A2ML1: variants seen among roughly 807,000 people sequenced by gnomAD.
A2ML1 encodes the protein alpha-2-macroglobulin-like protein 1.
Under a neutral mutation model 181.9 loss-of-function variants are expected in A2ML1, and 161 were observed. The observed-to-expected ratio is 0.89, with a 90% CI of 0.78 to 1.01. A2ML1 has a LOEUF of 1.01. A2ML1 is among the 50% of genes least tolerant of loss of function. The pLI is 0.00. For synonymous variants in A2ML1, 663 were observed against 666.8 expected (o/e 0.99, Z 0.09); for missense variants, 1,670 against 1,768.1 (o/e 0.94, Z 1.00).
At chr12:8,884,266 C>CT (rs1159683961) in intron 7 of A2ML1, among the ~76,000 whole-genome samples, 3 of 120,178 alleles carry the variant, frequency 2.5e-5, no homozygotes, top group African/African-American at 6.0e-5. Flanking sequence ...AACTATTTTC[C>CT]TTTTTTTTAA....
intron 16 of A2ML1, among the ~76,000 whole-genome samples, chr12:8,849,425 T>A (rs1943812517): frequency 6.6e-6 from 1 of 152,206 alleles, no homozygotes; most frequent in South Asian, 2.1e-4. Context: ...ACATAGCGAA[T>A]AATATTTGGC....
intron 4 of A2ML1, among the ~76,000 whole-genome samples, chr12:8,831,809 G>A (rs907682017): frequency 3.9e-5 from 6 of 152,016 alleles, no homozygotes; most frequent in African/African-American, 1.5e-4. Flanking sequence ...GAGTGCAATG[G>A]CGCGATCTCG....
intron 7 of A2ML1, among the ~76,000 whole-genome samples, chr12:8,885,118 G>T (rs753294756): frequency 4.3e-4 from 65 of 152,298 alleles, no homozygotes; most frequent in Admixed American, 1.8e-3. Context: ...CTTGCAAAAA[G>T]TTCAGAATAA....
chr12:8,879,634 A>G (rs1275234381), downstream of A2ML1, among the ~76,000 whole-genome samples: 1 of 152,214 alleles, frequency 6.6e-6, no homozygotes, highest in Non-Finnish European at 1.5e-5. Context: ...TCAAGACTTA[A>G]GAGGTTATGC....
Position 8,874,421 on chromosome 12 carries a change from A to C in A2ML1, c.4222-4A>C, listed in dbSNP as rs1196350668. On this transcript the variant is annotated splice_region_variant and splice_polypyrimidine_tract_variant and intron_variant, in intron 33 of 35. Coordinates refer to ENST00000299698, the MANE Select transcript of A2ML1 (RefSeq NM_144670.6). ...AGGTACTGTTTCATCTGTCTTCCCC[A>C]CAGCTCATTAAGAACACTCAGACTT... 6.2e-7 allele frequency: 1 copy of C among 1,611,482 alleles called. No individual in the cohort carries two copies. The highest frequency in any genetic ancestry group is 8.5e-7 in the Non-Finnish European group (1 of 1,177,722).
chr12:8,845,401 T>C lies in A2ML1; in HGVS notation c.1477-41T>C, dbSNP rs762479095. On this transcript the variant is annotated intron_variant, in intron 12 of 35. Transcript: ENST00000299698. Reference sequence around the variant, plus strand: ...GGAAGTTGGTCCAAGGTGAAATTACTGTAACTTCTGTGCAGTTGATTCTTT... The same window carrying C: ...GGAAGTTGGTCCAAGGTGAAATTACCGTAACTTCTGTGCAGTTGATTCTTT... 20 of 1,605,250 alleles carry C rather than the reference T, an allele frequency of 1.2e-5. No homozygotes were observed. The Middle Eastern group carries it at 1.2e-3, about 93-fold the overall frequency.
rs762232957 is a variant in A2ML1 at position 8,857,567 on chromosome 12, G to A, written c.3086G>A (p.Arg1029Gln). The change falls in exon 25 of 36, where the codon CGA becomes CAA. Residue 1029 changes from arginine (R) to glutamine (Q), a missense_variant. By Grantham distance (43) the Arg-to-Gln change is conservative (BLOSUM62 1). Transcript: ENST00000299698. ...SNGSYSAFGE[R>Q]DGNGNTWLTA... ...GGCTCATACAGTGCCTTTGGGGAGC[G>A]AGATGGAAATGGAAACACATGGTAA... 22 of 1,611,702 alleles carry A rather than the reference G, an allele frequency of 1.4e-5. No homozygotes were observed. The highest frequency in any genetic ancestry group is 5.5e-5 in the South Asian group (5 of 90,508).
At position 8,854,137 on chromosome 12, in the gene A2ML1, A is replaced by G; in HGVS notation, c.2600A>G (p.Asn867Ser). The G allele has an allele frequency of 1.3e-6, 2 of 1,593,872 alleles. No individual in the cohort carries two copies. The highest frequency in any genetic ancestry group is 1.3e-5 in the African/African-American group (1 of 74,546). The change falls in exon 21 of 36, where the codon AAC becomes AGC. Residue 867 changes from asparagine (N) to serine (S), a missense_variant. Transcript: ENST00000299698. Reference sequence around the variant, plus strand: ...TTCTTCTTTCTCTCAGGTCACATTAACTTTACTATTAGTACAAAGATTCTG... The same window carrying G: ...TTCTTCTTTCTCTCAGGTCACATTAGCTTTACTATTAGTACAAAGATTCTG... ...NITAVKLGHI[N>S]FTISTKILDS... is the part of the protein sequence containing the mutation.
intron 7 of A2ML1, among the ~76,000 whole-genome samples, chr12:8,885,061 G>A (rs1944908891): frequency 6.6e-6 from 1 of 151,846 alleles, no homozygotes; most frequent in African/African-American, 2.4e-5. Context: ...GCTGGCTTGT[G>A]AAATTCTTTA....
Position 8,869,212 on chromosome 12 carries a change from T to G in A2ML1, c.4221+9T>G. On this transcript the variant is annotated intron_variant, in intron 33 of 35. Coordinates refer to ENST00000299698, the MANE Select transcript of A2ML1 (RefSeq NM_144670.6). ...ACATTTACTTGGATGAGGTAGGTAT[T>G]CAGGAACCAGATCAAAGAGCTGGAT... The G allele has an allele frequency of 6.2e-7, 1 of 1,613,954 alleles. No individual in the cohort carries two copies. The highest frequency in any genetic ancestry group is 8.5e-7 in the Non-Finnish European group (1 of 1,179,840).
Position 8,851,950 on chromosome 12 carries a change from G to A in A2ML1, c.2401G>A (p.Val801Ile). ...TGACCTGACTCTCCCTTACTCAGTAGTCCGTGGGGAATCCTTTCGTCTTAC... is the reference window on the plus strand; with the variant it reads ...TGACCTGACTCTCCCTTACTCAGTAATCCGTGGGGAATCCTTTCGTCTTAC... ...FVDLTLPYSV[V>I]RGESFRLTAT... Residue 801 changes from valine (V) to isoleucine (I), a missense_variant, in exon 19 of 36, where the codon GTC becomes ATC. Physicochemically the swap from Val to Ile is conservative, Grantham distance 29. Coordinates refer to ENST00000299698, the MANE Select transcript of A2ML1 (RefSeq NM_144670.6). 1 of 1,614,172 alleles carries A rather than the reference G, an allele frequency of 6.2e-7. No individual in the cohort carries two copies. The highest frequency in any genetic ancestry group is 8.5e-7 in the Non-Finnish European group (1 of 1,180,030).
chr12:8,829,010 A>G (rs999049187), intron 3 of A2ML1, among the ~76,000 whole-genome samples: 1 of 152,160 alleles, frequency 6.6e-6, no homozygotes, highest in Non-Finnish European at 1.5e-5. Flanking sequence ...TACCACAGTC[A>G]CTGCTGGGGG....
chr12:8,867,733 C>A (rs749697473), intron 29 of A2ML1, 109 bp from the exon 30 acceptor site: 2 of 935,496 alleles, frequency 2.1e-6, no homozygotes, highest in East Asian at 5.0e-5. Flanking sequence ...TTAAAGAAGT[C>A]ATCATCCAAG....
At chr12:8,879,659 T>C (rs749585128), downstream of A2ML1, among the ~76,000 whole-genome samples, 1 of 152,346 alleles carries the variant, frequency 6.6e-6, no homozygotes, top group Non-Finnish European at 1.5e-5. Flanking sequence ...AGAATACATC[T>C]TAAATGATTA....
chr12:8,861,559 C>T (rs1468069752), intron 28 of A2ML1, among the ~76,000 whole-genome samples: 3 of 152,096 alleles, frequency 2.0e-5, no homozygotes, highest in Non-Finnish European at 2.9e-5. Flanking sequence ...GTGATCTCGG[C>T]TCACTCCAAG....
chr12:8,831,672 C>G (rs1943116355), intron 4 of A2ML1, among the ~76,000 whole-genome samples: 1 of 152,162 alleles, frequency 6.6e-6, no homozygotes, highest in Non-Finnish European at 1.5e-5. Flanking sequence ...CCAGAGCCGG[C>G]TGTGTGGGAG....
chr12:8,853,281 T>C (rs887781), intron 20 of A2ML1, among the ~76,000 whole-genome samples: 150,381 of 152,354 alleles, frequency 0.99, 74,243 homozygotes, highest in East Asian at 1. Context: ...AATGAGTCAC[T>C]GCACCTTTAA....
chr12:8,850,452 G>A (rs1200432183), intron 18 of A2ML1, among the ~76,000 whole-genome samples, 178 bp downstream of exon 18: 1 of 152,104 alleles, frequency 6.6e-6, no homozygotes, highest in Non-Finnish European at 1.5e-5. Flanking sequence ...CCAGATGGTA[G>A]TTGTGTCCTA....
rs1309088031 is a variant in A2ML1, at chr12:8,861,126, A to C, written c.3340-9A>C. 5 of 1,613,844 alleles carry C rather than the reference A, an allele frequency of 3.1e-6. No homozygotes were observed. Among genetic ancestry groups the C allele is most frequent in the Non-Finnish European group, 4.2e-6 (5 of 1,179,956 alleles). On this transcript the variant is annotated splice_polypyrimidine_tract_variant and intron_variant, in intron 27 of 35. Coordinates refer to ENST00000299698, the MANE Select transcript of A2ML1 (RefSeq NM_144670.6). Reference sequence around the variant, plus strand: ...CTTATAAGTTATAGTCTTCATCTTCACTTTTTAGGACCCAATGGTGAGTCA... The same window carrying C: ...CTTATAAGTTATAGTCTTCATCTTCCCTTTTTAGGACCCAATGGTGAGTCA...
Sources: gnomAD v4.1 joint callset for allele counts (sites outside exome capture counted in the v4.1 genomes callset) on GRCh38, gnomAD v4.1.1 for gene constraint, MANE v1.5 for transcripts, NCBI Gene and HGNC (gene_info 2026-07-23, HGNC 2026-07-21) for gene names.